PTPRG: variants seen among roughly 807,000 people sequenced by gnomAD.
PTPRG encodes the protein protein tyrosine phosphatase receptor type G, also known as receptor-type tyrosine-protein phosphatase gamma.
Under a neutral mutation model 165.3 loss-of-function variants are expected in PTPRG, and 102 were observed. That is an observed-to-expected ratio of 0.62 (90% CI 0.53 to 0.73). The LOEUF (loss-of-function observed/expected upper bound fraction) is 0.73. Among genes scored for constraint, PTPRG ranks in the 30% least tolerant of loss-of-function variants. The pLI is 0.00. For synonymous variants in PTPRG, 675 were observed against 669.5 expected, an observed-to-expected ratio of 1.01 and a Z score of -0.13; for missense variants, 1,866 against 1,861.4, an observed-to-expected ratio of 1.00 and a Z score of -0.05.
intron 7 of PTPRG, among the ~76,000 whole-genome samples, chr3:62,157,544 A>G (rs537956810): frequency 7.2e-4 from 110 of 152,320 alleles, no homozygotes; most frequent in African/African-American, 2.6e-3. Flanking sequence ...AAACTCTTCT[A>G]AGCTCTTTAT....
chr3:62,197,883 C>G (rs1700006558), intron 10 of PTPRG, among the ~76,000 whole-genome samples: 1 of 152,182 alleles, frequency 6.6e-6, no homozygotes, highest in African/African-American at 2.4e-5. Context: ...GTCTCCTTGT[C>G]TACAGACTTT....
chr3:62,042,055 C>T (rs1327279029), intron 4 of PTPRG, among the ~76,000 whole-genome samples: 6 of 152,166 alleles, frequency 3.9e-5, no homozygotes, highest in Admixed American at 3.3e-4. Flanking sequence ...AGGTCAGAAC[C>T]CAGACCTGCC....
chr3:61,918,859 G>A (rs115710197), intron 2 of PTPRG, among the ~76,000 whole-genome samples: 1,626 of 152,194 alleles, frequency 0.011, 36 homozygotes, highest in South Asian at 0.092. Context: ...TTATTGATTT[G>A]TTTTACACTG....
At chr3:61,795,639 C>CAAAA (rs145136197) in intron 2 of PTPRG, among the ~76,000 whole-genome samples, 12 of 59,450 alleles carry the variant, frequency 2.0e-4, no homozygotes, top group African/African-American at 6.7e-4. Flanking sequence ...GACTCCGTCT[C>CAAAA]AAAAAAAAAA....
intron 9 of PTPRG, among the ~76,000 whole-genome samples, 196 bp from the exon 10 acceptor site, chr3:62,194,866 A>G (rs1280932609): frequency 1.3e-5 from 2 of 152,124 alleles, no homozygotes; most frequent in African/African-American, 4.8e-5. Context: ...TGTTGAAAAC[A>G]GGTTCCCAGG....
rs973420447 is a variant in PTPRG at position 62,229,993 on chromosome 3, C to T, written c.2289-1232C>T. On this transcript the variant is annotated intron_variant, in intron 13 of 29. Transcript: ENST00000474889. This position sits in a 1 kb window ranked among gnomAD's most constrained non-coding sequence, Gnocchi z 4.6. The stretch of plus-strand genomic sequence containing the variant: ...ATGAGAATTTGTAAAAACATTCCAA[C>T]ACACTCATGATTTCTTCAGATTAAT... Among the ~76,000 whole-genome samples, 1 of 152,236 alleles carries T rather than the reference C, an allele frequency of 6.6e-6. No individual in the cohort carries two copies. Among genetic ancestry groups the T allele is most frequent in the African/African-American group, 2.4e-5 (1 of 41,450 alleles).
In PTPRG at chr3:62,132,621, C is replaced by G. The variant is rs757076816; in HGVS notation, c.635C>G (p.Ser212Cys). Residue 212 changes from serine to cysteine, a missense_variant, in exon 6 of 30, where the codon TCT becomes TGT. Physicochemically the swap from Ser to Cys is moderately radical, Grantham distance 112 (BLOSUM62 -1). Coordinates refer to ENST00000474889, the MANE Select transcript of PTPRG (RefSeq NM_002841.4). ...ATTTAGGTCAGTCCGAGGGACAATT[C>G]TGCACTGGATCCTATTATCCACGGG... ...IFFQVSPRDN[S>C]ALDPIIHGLK... The G allele has an allele frequency of 1.9e-6, 3 of 1,611,692 alleles. No individual in the cohort carries two copies. The highest frequency in any genetic ancestry group is 1.7e-5 in the Admixed American group (1 of 59,996).
intron 1 of PTPRG, among the ~76,000 whole-genome samples, chr3:61,666,656 A>T (rs1702820763): frequency 6.6e-6 from 1 of 152,234 alleles, no homozygotes; most frequent in Admixed American, 6.5e-5. Context: ...GCTGAAACTC[A>T]GCACTATTGA....
chr3:62,132,691 C>A, intron 6 of PTPRG, 23 bp downstream of exon 6: 1 of 1,579,204 alleles, frequency 6.3e-7, no homozygotes, highest in Non-Finnish European at 8.7e-7. Context: ...CATACACTTC[C>A]TTTTGCTGGG....
Position 62,262,806 on chromosome 3 carries a change from G to T in PTPRG, c.2568G>T (p.Gln856His). ...HGFSEDFEEV[Q>H]RCTADMNITA... ...GCTGTTTTCTTCACTAGGAAGTCCA[G>T]CGCTGTACTGCTGATATGAACATCA... Residue 856 changes from glutamine to histidine, a missense_variant, in exon 17 of 30, where the codon CAG (glutamine) becomes CAT (histidine). Physicochemically the swap from Gln to His is conservative, Grantham distance 24 (BLOSUM62 0). Transcript: ENST00000474889. 1 of 1,612,936 alleles carries T rather than the reference G, an allele frequency of 6.2e-7. No homozygotes were observed.
chr3:61,780,535 T>C (rs914406336), intron 2 of PTPRG, among the ~76,000 whole-genome samples: 1 of 152,178 alleles, frequency 6.6e-6, no homozygotes, highest in African/African-American at 2.4e-5. Flanking sequence ...ATTTAAAAGG[T>C]CAGTATTAAT....
At chr3:61,841,589 C>G (rs1385546369) in intron 2 of PTPRG, among the ~76,000 whole-genome samples, 1 of 151,892 alleles carries the variant, frequency 6.6e-6, no homozygotes, top group African/African-American at 2.4e-5. Flanking sequence ...ACCACCACCC[C>G]CACCTTACCC....
chr3:61,610,815 CTCTT>C (rs1270566480), intron 1 of PTPRG, among the ~76,000 whole-genome samples: 1 of 130,892 alleles, frequency 7.6e-6, no homozygotes, highest in Non-Finnish European at 1.6e-5. Flanking sequence ...CTCTATCTCT[CTCTT>C]TGTTTTTCTT....
intron 1 of PTPRG, among the ~76,000 whole-genome samples, chr3:61,710,924 C>G (rs1318262435): frequency 1.3e-5 from 2 of 151,868 alleles, no homozygotes; most frequent in African/African-American, 4.9e-5. Flanking sequence ...CTCCCCTAGC[C>G]CCCCGCCCCC....
intron 2 of PTPRG, among the ~76,000 whole-genome samples, chr3:61,976,908 C>G (rs956663038): frequency 2.6e-5 from 4 of 152,116 alleles, no homozygotes; most frequent in Non-Finnish European, 5.9e-5. Flanking sequence ...CTGCTGACCT[C>G]AGGTGTTCTG....
intron 2 of PTPRG, among the ~76,000 whole-genome samples, chr3:61,865,389 T>C (rs1468854157): frequency 2.6e-5 from 4 of 152,202 alleles, no homozygotes; most frequent in Non-Finnish European, 5.9e-5. Context: ...TGTTATTTTT[T>C]ACTTGTTCTA....
At chr3:62,202,941 A>G (rs1700129798) in intron 11 of PTPRG, among the ~76,000 whole-genome samples, 1 of 152,204 alleles carries the variant, frequency 6.6e-6, no homozygotes, top group African/African-American at 2.4e-5. Flanking sequence ...TTGATCGACT[A>G]GTTATGCATT....
chr3:62,192,396 T>C lies in PTPRG; in HGVS notation c.1218+743T>C, dbSNP rs60175376. On this transcript the variant is annotated intron_variant, in intron 9 of 29. Coordinates refer to ENST00000474889, the MANE Select transcript of PTPRG (RefSeq NM_002841.4). ...AAGCAAACTCCACAACTACTGTCTTTTTTTTTTTTTTTTTTTTTTTTTTTT... is the reference window on the plus strand; with the variant it reads ...AAGCAAACTCCACAACTACTGTCTTCTTTTTTTTTTTTTTTTTTTTTTTTT... Among the ~76,000 whole-genome samples the C allele has an allele frequency of 8.9e-3, 744 of 84,018 alleles. 11 individuals carry two copies. The highest frequency in any genetic ancestry group is 0.054 in the African/African-American group (627 of 11,574). 55.1% of individuals were successfully genotyped at this position (84,018 alleles called of 152,430 possible).
intron 5 of PTPRG, among the ~76,000 whole-genome samples, chr3:62,088,915 T>C (rs909779276): frequency 6.6e-6 from 1 of 152,206 alleles, no homozygotes; most frequent in African/African-American, 2.4e-5. Flanking sequence ...TGCGAAATCT[T>C]TTTACTATCT....
Sources: allele counts gnomAD v4.1 joint callset (sites outside exome capture counted in the v4.1 genomes callset), GRCh38; gene constraint gnomAD v4.1.1; non-coding constraint Gnocchi (gnomAD v3.1); transcripts MANE v1.5; gene names NCBI Gene and HGNC (gene_info 2026-07-23, HGNC 2026-07-21).